Variants in PRKCB observed in about 807,000 individuals in gnomAD.
The protein encoded by PRKCB is protein kinase C beta type.
A neutral mutation model predicts 81.5 loss-of-function variants in PRKCB; 13 were observed. The observed-to-expected ratio is 0.16, with a 90% CI of 0.10 to 0.25. PRKCB has a LOEUF of 0.25. PRKCB is among the 10% of genes least tolerant of loss of function. PRKCB has a pLI of 1.00. For missense variants in PRKCB, 509 were observed against 875.7 expected (o/e 0.58, Z 5.29); for synonymous variants, 335 against 321.4 (o/e 1.04, Z -0.45).
intron 2 of PRKCB, among the ~76,000 whole-genome samples, chr16:23,846,655 A>AC (rs977375687): frequency 6.7e-6 from 1 of 150,138 alleles, no homozygotes; most frequent in Non-Finnish European, 1.5e-5. Flanking sequence ...CTATAAACCA[A>AC]CTTTTTTTTG....
At chr16:24,111,234 C>G (rs751619348) in intron 7 of PRKCB, 19 of 152,266 alleles carry the variant, frequency 1.2e-4, no homozygotes, top group Non-Finnish European at 2.6e-4. Context: ...AAATTGTCTT[C>G]TCTGCTTTGA....
intron 5 of PRKCB, among the ~76,000 whole-genome samples, chr16:24,090,169 A>G (rs1035261639): frequency 6.6e-6 from 1 of 152,190 alleles, no homozygotes. Flanking sequence ...TTAACTGATC[A>G]AGGTCAACAT....
rs563704455 is a variant in PRKCB at position 24,161,346 on chromosome 16, A to G, written c.1239+6489A>G. Among the ~76,000 whole-genome samples, 6 of 152,356 alleles carry G rather than the reference A, an allele frequency of 3.9e-5. No homozygotes were observed. In the South Asian group the frequency reaches 8.3e-4, roughly 21 times the overall value. The stretch of plus-strand genomic sequence containing the variant: ...AATGTAGGATATTAAATCCTATTTA[A>G]GATATTATTTTAAGTGTGTTAAAAT... On this transcript the variant is annotated intron_variant, in intron 10 of 16. Coordinates refer to ENST00000643927, the MANE Select transcript of PRKCB (RefSeq NM_002738.7).
rs188659361 is a variant in PRKCB, at chr16:24,041,116, C to A, written c.529+5569C>A. 2.0e-3 allele frequency among the ~76,000 whole-genome samples: 295 copies of A among 150,534 alleles called. 2 individuals carry two copies. Among genetic ancestry groups the A allele is most frequent in the African/African-American group, 7.0e-3 (286 of 40,996 alleles). On this transcript the variant is annotated intron_variant, in intron 5 of 16. Transcript: ENST00000643927. ...CCAGGCTGGAGTGCAGTGGTGCAAT[C>A]TCAGCTCACTGCAACCTCCCCCTCC...
At chr16:23,856,005 T>G (rs1962560018) in intron 2 of PRKCB, among the ~76,000 whole-genome samples, 1 of 152,212 alleles carries the variant, frequency 6.6e-6, no homozygotes, top group Non-Finnish European at 1.5e-5. Flanking sequence ...CACTGCGTGC[T>G]TCTATGTCTT....
At chr16:24,139,199 T>C (rs1048242463) in intron 9 of PRKCB, among the ~76,000 whole-genome samples, 2 of 138,484 alleles carry the variant, frequency 1.4e-5, no homozygotes, top group Admixed American at 7.3e-5. Flanking sequence ...AGGATAAGGA[T>C]AAGGTGCTCC....
chr16:23,902,925 T>G (rs980059662), intron 2 of PRKCB, among the ~76,000 whole-genome samples: 1 of 151,640 alleles, frequency 6.6e-6, no homozygotes, highest in African/African-American at 2.4e-5. Flanking sequence ...CACCTCAACT[T>G]CTTGAGTAGC....
At position 23,969,285 on chromosome 16, in the gene PRKCB, C is replaced by G. The variant is rs1304590124; in HGVS notation, c.206-19223C>G. On this transcript the variant is annotated intron_variant, in intron 2 of 16. Coordinates refer to ENST00000643927, the MANE Select transcript of PRKCB (RefSeq NM_002738.7). ...ATGTGTAGTGGCTAAGAGCAAAGAC[C>G]CTAGAACCAAGTAGGTGGACACTGT... is the stretch of plus-strand genomic sequence containing the variant. Among the ~76,000 whole-genome samples the G allele has an allele frequency of 2.0e-5, 3 of 152,222 alleles. 1 individual carries two copies. The highest frequency in any genetic ancestry group is 7.2e-5 in the African/African-American group (3 of 41,530).
rs572148059 is a variant in PRKCB, at chr16:23,973,706, G to T, written c.206-14802G>T. 1.9e-3 allele frequency among the ~76,000 whole-genome samples: 292 copies of T among 149,770 alleles called. 1 individual carries two copies. Among genetic ancestry groups the T allele is most frequent in the East Asian group, 5.7e-3 (28 of 4,934 alleles). The stretch of plus-strand genomic sequence containing the variant: ...TATTTTTTTTCTTTTTTTGAGACAG[G>T]GTCTCACTCTGTTGCCCAGGCTGGA... On this transcript the variant is annotated intron_variant, in intron 2 of 16. Transcript: ENST00000643927.
intron 10 of PRKCB, among the ~76,000 whole-genome samples, chr16:24,156,044 G>C (rs1967151065): frequency 6.6e-6 from 1 of 152,118 alleles, no homozygotes; most frequent in Admixed American, 6.5e-5. Context: ...TTGGTGCCTA[G>C]ATCTGTTAAC....
At chr16:23,849,197 G>A (rs1962429658) in intron 2 of PRKCB, among the ~76,000 whole-genome samples, 1 of 152,258 alleles carries the variant, frequency 6.6e-6, no homozygotes, top group African/African-American at 2.4e-5. Flanking sequence ...CTTCAAAAAT[G>A]TATTGGTAGC....
At chr16:24,047,517 C>T (rs1004707963) in intron 5 of PRKCB, among the ~76,000 whole-genome samples, 11 of 150,078 alleles carry the variant, frequency 7.3e-5, no homozygotes, top group African/African-American at 2.7e-4. Context: ...GGCGACAGAG[C>T]GAGACCCTGT....
intron 9 of PRKCB, among the ~76,000 whole-genome samples, chr16:24,142,022 T>G (rs1966909261): frequency 6.6e-6 from 1 of 152,232 alleles, no homozygotes; most frequent in Non-Finnish European, 1.5e-5. Flanking sequence ...TATGGCTTGC[T>G]GTGTGTTGGG....
chr16:24,026,495 C>T (rs1378872085), intron 3 of PRKCB, among the ~76,000 whole-genome samples: 2 of 152,162 alleles, frequency 1.3e-5, no homozygotes, highest in African/African-American at 4.8e-5. Context: ...AAGTGCAAAA[C>T]CAACAGAGGC....
intron 2 of PRKCB, among the ~76,000 whole-genome samples, chr16:23,974,855 C>T (rs1964604106): frequency 6.6e-6 from 1 of 152,168 alleles, no homozygotes; most frequent in Non-Finnish European, 1.5e-5. Context: ...GGATGACCTT[C>T]ACAGGGTGAC....
intron 16 of PRKCB, among the ~76,000 whole-genome samples, chr16:24,203,928 C>T (rs174827): frequency 0.058 from 8,830 of 152,078 alleles, 310 homozygotes; most frequent in Non-Finnish European, 0.077. Flanking sequence ...AGCTTCCTGC[C>T]GTGATGCACC....
intron 2 of PRKCB, among the ~76,000 whole-genome samples, chr16:23,973,402 C>G (rs1223676900): frequency 6.6e-6 from 1 of 152,126 alleles, no homozygotes. Context: ...AGGCTGGTTT[C>G]TAACTCCTGA....
At chr16:24,090,057 A>G (rs773612362) in intron 5 of PRKCB, among the ~76,000 whole-genome samples, 4 of 152,114 alleles carry the variant, frequency 2.6e-5, no homozygotes, top group Non-Finnish European at 5.9e-5. Context: ...CCATGACACT[A>G]TATGGTCTGT....
chr16:23,955,535 G>A (rs945320915), intron 2 of PRKCB, among the ~76,000 whole-genome samples: 1 of 152,134 alleles, frequency 6.6e-6, no homozygotes, highest in African/African-American at 2.4e-5. Context: ...GGGGACTTGT[G>A]TTTATAAGTG....
Sources: allele counts gnomAD v4.1 joint callset (sites outside exome capture counted in the v4.1 genomes callset), GRCh38; gene constraint gnomAD v4.1.1; transcripts MANE v1.5; gene names NCBI Gene and HGNC (gene_info 2026-07-23, HGNC 2026-07-21).